Variants in KDM3A observed in about 807,000 individuals in gnomAD.
KDM3A encodes the protein lysine-specific demethylase 3A.
KDM3A carries 60 observed loss-of-function variants against 158.0 expected under a neutral mutation model. The observed-to-expected ratio is 0.38, with a 90% CI of 0.31 to 0.47. KDM3A has a LOEUF of 0.47. Ranked by LOEUF, KDM3A falls within the 20% of genes least tolerant of loss-of-function variation. KDM3A has a pLI of 0.99. For missense variants in KDM3A, 1,319 were observed against 1,574.3 expected, an observed-to-expected ratio of 0.84 and a Z score of 2.74; for synonymous variants, 608 against 549.3, an observed-to-expected ratio of 1.11 and a Z score of -1.49.
intron 10 of KDM3A, among the ~76,000 whole-genome samples, chr2:86,469,509 GA>G (rs1673307377): frequency 6.6e-6 from 1 of 152,136 alleles, no homozygotes; most frequent in Admixed American, 6.5e-5. Context: ...CTTGTCTTTA[GA>G]AACCATGTTA....
intron 4 of KDM3A, 52 bp downstream of exon 4, chr2:86,451,265 T>C (rs1323085466): frequency 8.4e-7 from 1 of 1,188,592 alleles, no homozygotes; most frequent in African/African-American, 1.5e-5. Context: ...CGAACTCCTT[T>C]AACATGAGAA....
chr2:86,443,938 G>C (rs187863083), intron 2 of KDM3A, among the ~76,000 whole-genome samples: 35 of 152,264 alleles, frequency 2.3e-4, no homozygotes, highest in Admixed American at 1.4e-3. Flanking sequence ...ATTTTCTCTA[G>C]TGCATTTGTT....
At chr2:86,456,066 T>G (rs946163341) in intron 5 of KDM3A, among the ~76,000 whole-genome samples, 1 of 152,178 alleles carries the variant, frequency 6.6e-6, no homozygotes, top group Non-Finnish European at 1.5e-5. Context: ...GATAAGGCAT[T>G]AATTTGATAC....
At chr2:86,456,757 C>G (rs370439992) in intron 6 of KDM3A, 48 bp from the exon 7 acceptor site, 16 of 1,481,736 alleles carry the variant, frequency 1.1e-5, no homozygotes, top group Non-Finnish European at 1.3e-5. Context: ...TCAGTATGTT[C>G]TTGAGCATTT....
chr2:86,450,734 G>A (rs943470481), intron 3 of KDM3A, among the ~76,000 whole-genome samples: 1 of 152,094 alleles, frequency 6.6e-6, no homozygotes, highest in Non-Finnish European at 1.5e-5. Context: ...TGAGGGTTGT[G>A]GTTAAAGTTT....
chr2:86,465,300 C>T (rs1468126076), intron 9 of KDM3A, among the ~76,000 whole-genome samples: 2 of 152,142 alleles, frequency 1.3e-5, no homozygotes, highest in Non-Finnish European at 1.5e-5. Context: ...GATCACTGAA[C>T]AAACAAGAAT....
Position 86,491,236 on chromosome 2 carries a change from T to G in KDM3A, c.3846T>G (p.Tyr1282Ter). 6.2e-7 allele frequency: 1 copy of G among 1,613,880 alleles called. No individual in the cohort carries two copies. Residue 1282 changes from tyrosine (Y) to a stop codon, truncating the protein, a stop_gained, in exon 25 of 26, where the codon TAT (tyrosine) becomes TAG (stop). Transcript: ENST00000312912. LOFTEE classifies it high-confidence loss of function. Reference sequence around the variant, plus strand: ...TCTGGCTTACTCAGGAATTCCGATATCTGTCACAGACTCATACCAATCACG... The same window carrying G: ...TCTGGCTTACTCAGGAATTCCGATAGCTGTCACAGACTCATACCAATCACG... ...HCFWLTQEFR[Y>*]LSQTHTNHED... is the part of the protein sequence containing the mutation.
intron 11 of KDM3A, among the ~76,000 whole-genome samples, chr2:86,473,695 G>A (rs909090285): frequency 6.6e-6 from 1 of 152,176 alleles, no homozygotes; most frequent in African/African-American, 2.4e-5. Flanking sequence ...GTTGCCATGA[G>A]CCGTAATCAT....
rs755469936 is a variant in KDM3A, at chr2:86,482,095, C to T, written c.2678C>T (p.Thr893Ile). ...CTCCGGAATCTCTTGAATTCTTCTA[C>T]AGGAAAGGTATGTGTTTGTTTGTTG... ...GFLRNLLNSS[T>I]GKTENGLKNT... Residue 893 changes from threonine (T) to isoleucine (I), a missense_variant, in exon 17 of 26, where the codon ACA (threonine) becomes ATA (isoleucine). Transcript: ENST00000312912. 9 of 1,613,088 alleles carry T rather than the reference C, an allele frequency of 5.6e-6. No homozygotes were observed. The highest frequency in any genetic ancestry group is 1.1e-5 in the South Asian group (1 of 91,058).
chr2:86,474,174 G>A (rs1350788753), intron 11 of KDM3A, among the ~76,000 whole-genome samples: 1 of 152,180 alleles, frequency 6.6e-6, no homozygotes, highest in African/African-American at 2.4e-5. Flanking sequence ...ATCCCTGGAG[G>A]CAGTATGATT....
At chr2:86,478,131 G>A (rs1427958204) in intron 13 of KDM3A, 39 bp from the exon 14 acceptor site, 9 of 1,608,846 alleles carry the variant, frequency 5.6e-6, no homozygotes, top group Non-Finnish European at 7.7e-6. Context: ...TGGAGACAGA[G>A]TCTGTAAAGA....
chr2:86,438,619 G>C (rs985730450), upstream of KDM3A, among the ~76,000 whole-genome samples: 5 of 151,866 alleles, frequency 3.3e-5, no homozygotes, highest in African/African-American at 7.3e-5. Flanking sequence ...AGTTTTACCT[G>C]TCAATTAAAA....
Position 86,475,127 on chromosome 2 carries a change from T to C in KDM3A, c.1939+137T>C, listed in dbSNP as rs562590700. On this transcript the variant is annotated intron_variant, in intron 12 of 25. Coordinates refer to ENST00000312912, the MANE Select transcript of KDM3A (RefSeq NM_018433.6). ...CTTTGGTATAATGAGGTTGCATTTTTCCTTTTGCAACAGGTTTGATCAGAG... is the reference window on the plus strand; with the variant it reads ...CTTTGGTATAATGAGGTTGCATTTTCCCTTTTGCAACAGGTTTGATCAGAG... 2.3e-5 allele frequency: 16 copies of C among 705,290 alleles called. No homozygotes were observed. The African/African-American group carries it at 2.7e-4, about 12-fold the overall frequency. The allele number at this position is 705,290 out of a possible 1,614,324, so 43.7% of individuals were successfully genotyped here.
chr2:86,465,842 G>A (rs1022213356), intron 9 of KDM3A, among the ~76,000 whole-genome samples: 1 of 150,068 alleles, frequency 6.7e-6, no homozygotes, highest in Non-Finnish European at 1.5e-5. Context: ...TTGACTCTTG[G>A]CAAGTAGCAA....
At chr2:86,489,245 C>G in intron 21 of KDM3A, 73 bp from the exon 22 acceptor site, 1 of 1,487,026 alleles carries the variant, frequency 6.7e-7, no homozygotes, top group Non-Finnish European at 9.1e-7. Flanking sequence ...CTACCATCCC[C>G]CAGGTAGGTA....
Position 86,491,038 on chromosome 2 carries a change from C to T in KDM3A, c.3731C>T (p.Pro1244Leu), listed in dbSNP as rs1324869331. ...VQFLGDVVFI[P>L]AGAPHQVHNL... ...TTTCTTGGGGATGTGGTGTTTATCCCGGCAGGAGCTCCACATCAGGCAAGA... is the reference window on the plus strand; with the variant it reads ...TTTCTTGGGGATGTGGTGTTTATCCTGGCAGGAGCTCCACATCAGGCAAGA... Residue 1244 changes from proline to leucine, a missense_variant, in exon 24 of 26, where the codon CCG becomes CTG. Physicochemically the swap from Pro to Leu is moderately conservative, Grantham distance 98. Coordinates refer to ENST00000312912, the MANE Select transcript of KDM3A (RefSeq NM_018433.6). The T allele has an allele frequency of 3.1e-6, 5 of 1,613,516 alleles. No individual in the cohort carries two copies. The highest frequency in any genetic ancestry group is 1.3e-5 in the African/African-American group (1 of 74,848).
Position 86,492,148 on chromosome 2 carries a change from G to C in KDM3A, c.*29G>C. The C allele has an allele frequency of 6.5e-7, 1 of 1,536,196 alleles. No individual in the cohort carries two copies. Among genetic ancestry groups the C allele is most frequent in the Non-Finnish European group, 9.0e-7 (1 of 1,110,396 alleles). ...CCCTGCACATTGGAAATGAATTACA[G>C]GCAGCTGTTCAAACTCTTCAGGCAG... is the stretch of plus-strand genomic sequence containing the variant. On this transcript the variant is annotated 3_prime_UTR_variant, in exon 26 of 26. Coordinates refer to ENST00000312912, the MANE Select transcript of KDM3A (RefSeq NM_018433.6).
At position 86,464,049 on chromosome 2, in the gene KDM3A, C is replaced by T; in HGVS notation, c.844-4C>T. The T allele has an allele frequency of 6.4e-7, 1 of 1,562,092 alleles. No homozygotes were observed. Among genetic ancestry groups the T allele is most frequent in the South Asian group, 1.2e-5 (1 of 84,084 alleles). On this transcript the variant is annotated splice_region_variant and splice_polypyrimidine_tract_variant and intron_variant, in intron 8 of 25. Coordinates refer to ENST00000312912, the MANE Select transcript of KDM3A (RefSeq NM_018433.6). The stretch of plus-strand genomic sequence containing the variant: ...TTAATATCTGTTGGTTTGGTATCTT[C>T]TAGGCCTCTCCCAGTATGTGTCCTG...
At chr2:86,450,078 T>G in intron 3 of KDM3A, 116 bp downstream of exon 3, 25 of 1,107,800 alleles carry the variant, frequency 2.3e-5, no homozygotes, top group Non-Finnish European at 3.1e-5. Context: ...CAGGATCTCC[T>G]GCCAGCCCTT....
Sources: gnomAD v4.1 joint callset for allele counts (sites outside exome capture counted in the v4.1 genomes callset) on GRCh38, gnomAD v4.1.1 for gene constraint, MANE v1.5 for transcripts, NCBI Gene and HGNC (gene_info 2026-07-23, HGNC 2026-07-21) for gene names.